RILPL1: variants seen among roughly 807,000 people sequenced by gnomAD.
RILPL1 encodes Rab interacting lysosomal protein like 1, also known as RILP-like protein 1.
A neutral mutation model predicts 50.3 loss-of-function variants in RILPL1; 33 were observed. The observed-to-expected ratio is 0.66, with a 90% confidence interval of 0.50 to 0.88. RILPL1 has a LOEUF of 0.88. Among genes scored for constraint, RILPL1 ranks in the 40% least tolerant of loss-of-function variants. RILPL1 has a pLI of 0.00. For synonymous variants in RILPL1, 205 were observed against 228.6 expected (o/e 0.90, Z 0.93); for missense variants, 418 against 542.5 (o/e 0.77, Z 2.28).
intron 2 of RILPL1, among the ~76,000 whole-genome samples, chr12:123,517,139 C>A (rs2077805544): frequency 6.6e-6 from 1 of 151,574 alleles, no homozygotes; most frequent in Non-Finnish European, 1.5e-5. Flanking sequence ...GACACACAGA[C>A]ACGGAGGAGA....
chr12:123,496,307 C>G (rs1377894611), intron 4 of RILPL1, among the ~76,000 whole-genome samples: 1 of 152,204 alleles, frequency 6.6e-6, no homozygotes, highest in Non-Finnish European at 1.5e-5. Flanking sequence ...AGCCACCATG[C>G]CTGGCAACTA....
chr12:123,475,424 G>A, intron 6 of RILPL1: 1 of 543,906 alleles, frequency 1.8e-6, no homozygotes, highest in Non-Finnish European at 3.3e-6. Context: ...AACAGAAACA[G>A]AAGAGACAAA....
Position 123,489,054 on chromosome 12 carries a change from C to T in RILPL1, c.802-3249G>A, listed in dbSNP as rs367744525. Reference sequence around the variant, plus strand: ...ATACAACAGGTGACGGATATGCGGCCGGCATTCAATCGCGCCAGTTCTCCT... The same window carrying T: ...ATACAACAGGTGACGGATATGCGGCTGGCATTCAATCGCGCCAGTTCTCCT... On this transcript the variant is annotated intron_variant, in intron 4 of 6. Coordinates refer to ENST00000376874, the MANE Select transcript of RILPL1 (RefSeq NM_178314.5). The surrounding 1 kb of genome is among the most constrained non-coding windows in gnomAD (Gnocchi z 4.0). 9.2e-5 allele frequency among the ~76,000 whole-genome samples: 14 copies of T among 152,262 alleles called. No homozygotes were observed. The East Asian group carries it at 1.5e-3, about 17-fold the overall frequency.
At chr12:123,521,956 G>A (rs1004865005) in intron 2 of RILPL1, among the ~76,000 whole-genome samples, 3 of 151,672 alleles carry the variant, frequency 2.0e-5, no homozygotes, top group South Asian at 4.1e-4. Flanking sequence ...TGTATTTTTC[G>A]TAGAGACGGG....
Position 123,522,570 on chromosome 12 carries a change from C to A in RILPL1, c.460+925G>T, listed in dbSNP as rs890509345. ...CTGACCCCTGTGACCTCATTTCCAG[C>A]CTCCTGAGGCCTCAATCATCTTCTG... On this transcript the variant is annotated intron_variant, in intron 2 of 6. Coordinates refer to ENST00000376874, the MANE Select transcript of RILPL1 (RefSeq NM_178314.5). This position sits in a 1 kb window ranked among gnomAD's most constrained non-coding sequence, Gnocchi z 4.0. Among the ~76,000 whole-genome samples the A allele has an allele frequency of 6.6e-6, 1 of 152,142 alleles. No homozygotes were observed. The highest frequency in any genetic ancestry group is 1.5e-5 in the Non-Finnish European group (1 of 68,024).
At chr12:123,481,580 G>T (rs189628696) in intron 6 of RILPL1, among the ~76,000 whole-genome samples, 26 of 151,314 alleles carry the variant, frequency 1.7e-4, no homozygotes, top group African/African-American at 5.3e-4. Flanking sequence ...TTTTGAGGCG[G>T]AGTTTCACTC....
Position 123,522,921 on chromosome 12 carries a change from T to C in RILPL1, c.460+574A>G, listed in dbSNP as rs1377996101. 4.6e-5 allele frequency among the ~76,000 whole-genome samples: 7 copies of C among 152,154 alleles called. No individual in the cohort carries two copies. The highest frequency in any genetic ancestry group is 1.3e-4 in the Admixed American group (2 of 15,266). ...ACCGGCCTTCTTGGTTTCCCCCAAA[T>C]GCTCATGTCCCAGGGCCTTTGCATG... On this transcript the variant is annotated intron_variant, in intron 2 of 6. Transcript: ENST00000376874. This position sits in a 1 kb window ranked among gnomAD's most constrained non-coding sequence, Gnocchi z 4.0.
At chr12:123,527,770 T>C (rs945327919) in intron 1 of RILPL1, among the ~76,000 whole-genome samples, 3 of 151,940 alleles carry the variant, frequency 2.0e-5, no homozygotes, top group Non-Finnish European at 2.9e-5. Context: ...CAGGTCAGCG[T>C]TAGAGGAATA....
intron 2 of RILPL1, among the ~76,000 whole-genome samples, chr12:123,516,953 T>C (rs1447579483): frequency 1.3e-5 from 2 of 151,912 alleles, no homozygotes; most frequent in Non-Finnish European, 2.9e-5. Flanking sequence ...CCCAGCTACT[T>C]GGGAGGCTGA....
chr12:123,520,470 G>T (rs1188498557), intron 2 of RILPL1, among the ~76,000 whole-genome samples: 1 of 152,154 alleles, frequency 6.6e-6, no homozygotes, highest in Non-Finnish European at 1.5e-5. Context: ...GAGGCAGGAG[G>T]ATCACTTGAA....
In RILPL1 at chr12:123,523,523, G is replaced by C. The variant is rs1885143061; in HGVS notation, c.432C>G (p.Phe144Leu). ...MTNLSHKDVN[F>L]SEEEFQKHEG... ...CATGCTTCTGGAACTCCTCCTCTGA[G>C]AAATTGACATCCTTGTGGGAGAGGT... Residue 144 changes from phenylalanine to leucine, a missense_variant, in exon 2 of 7, where the codon TTC becomes TTG. By Grantham distance (22) the Phe-to-Leu change is conservative. Coordinates refer to ENST00000376874, the MANE Select transcript of RILPL1 (RefSeq NM_178314.5). 3 of 1,613,894 alleles carry C rather than the reference G, an allele frequency of 1.9e-6. No homozygotes were observed. The highest frequency in any genetic ancestry group is 1.7e-5 in the Admixed American group (1 of 60,002).
intron 1 of RILPL1, among the ~76,000 whole-genome samples, chr12:123,526,543 G>A (rs1029610217): frequency 2.0e-5 from 3 of 152,124 alleles, no homozygotes; most frequent in East Asian, 1.9e-4. Context: ...GAATATGCCC[G>A]GCACCCAGAA....
chr12:123,475,984 A>ACCT (rs766897252), intron 6 of RILPL1: 1 of 426,246 alleles, frequency 2.3e-6, no homozygotes, highest in African/African-American at 2.1e-5. Flanking sequence ...GCTTACTGCA[A>ACCT]CCTCCTCCTC....
Position 123,484,298 on chromosome 12 carries a change from TA to T in RILPL1, c.975-27del, listed in dbSNP as rs753182196. The T allele has an allele frequency of 2.3e-5, 33 of 1,462,158 alleles. No individual in the cohort carries two copies. In the South Asian group the frequency reaches 3.5e-4, roughly 16 times the overall value. 90.6% of individuals were successfully genotyped at this position (1,462,158 alleles called of 1,614,324 possible). A position where few individuals can be genotyped will look rare whatever the true frequency, so the allele number is the denominator to read the frequency against. On this transcript the variant is annotated intron_variant, in intron 5 of 6. Coordinates refer to ENST00000376874, the MANE Select transcript of RILPL1 (RefSeq NM_178314.5). The stretch of plus-strand genomic sequence containing the variant: ...CTGGAAGGAGATGAGAGGCGTGAGA[TA>T]AAAGAGTCAAAAGTTCCTTGAGAAC...
intron 6 of RILPL1, among the ~76,000 whole-genome samples, chr12:123,477,987 CTTTTTTTTTTT>C (rs56296800): frequency 9.7e-5 from 4 of 41,176 alleles, no homozygotes; most frequent in Admixed American, 4.0e-4. Context: ...ATCTGTATGT[CTTTTTTTTTTT>C]TTTTTTTTTT....
At chr12:123,516,117 T>G (rs1884681981) in intron 2 of RILPL1, among the ~76,000 whole-genome samples, 1 of 150,402 alleles carries the variant, frequency 6.6e-6, no homozygotes, top group Admixed American at 6.7e-5. Flanking sequence ...AGTGGTCATG[T>G]AGGAGCTGTA....
chr12:123,490,163 G>A (rs757006919), intron 4 of RILPL1, among the ~76,000 whole-genome samples: 12 of 152,084 alleles, frequency 7.9e-5, no homozygotes, highest in Admixed American at 6.6e-4. Flanking sequence ...TTCATAGCAG[G>A]TCAGGGCCTT....
intron 2 of RILPL1, among the ~76,000 whole-genome samples, chr12:123,500,818 A>C (rs570229249): frequency 1.3e-4 from 19 of 151,926 alleles, no homozygotes; most frequent in Non-Finnish European, 2.4e-4. Flanking sequence ...CTAAAATAAG[A>C]GATGGGCCAG....
intron 6 of RILPL1, chr12:123,474,819 T>G (rs191870989): frequency 6.4e-4 from 97 of 152,348 alleles, no homozygotes; most frequent in African/African-American, 1.8e-3. Context: ...GTTCCCTCTG[T>G]TTGCTGGTTG....
Sources: allele counts gnomAD v4.1 joint callset (sites outside exome capture counted in the v4.1 genomes callset), GRCh38; gene constraint gnomAD v4.1.1; non-coding constraint Gnocchi (gnomAD v3.1); transcripts MANE v1.5; gene names NCBI Gene and HGNC (gene_info 2026-07-23, HGNC 2026-07-21).